SLC5A4: variants seen among roughly 807,000 people sequenced by gnomAD.
SLC5A4 encodes solute carrier family 5 member 4, also known as probable glucose sensor protein SLC5A4.
A neutral mutation model predicts 70.3 loss-of-function variants in SLC5A4; 55 were observed. That is an observed-to-expected ratio of 0.78 (90% confidence interval 0.63 to 0.98). The LOEUF is 0.98. SLC5A4 is among the 50% of genes least tolerant of loss of function. The pLI is 0.00. For missense variants in SLC5A4, 735 were observed against 839.2 expected (o/e 0.88, Z 1.53); for synonymous variants, 268 against 305.7 (o/e 0.88, Z 1.29).
the SLC5A4 span, among the ~76,000 whole-genome samples, chr22:32,320,918 A>T: frequency 1.3e-5 from 2 of 152,212 alleles, no homozygotes; most frequent in African/African-American, 2.4e-5. Context: ...CTTCCCAAAG[A>T]AGCCCGGGAG....
intron 5 of SLC5A4, among the ~76,000 whole-genome samples, chr22:32,240,019 T>G (rs1926420750): frequency 1.5e-5 from 1 of 68,346 alleles, no homozygotes; most frequent in South Asian, 5.1e-4. Flanking sequence ...CGAGACTCCA[T>G]CTCAAAAAAA....
the SLC5A4 span, among the ~76,000 whole-genome samples, chr22:32,350,193 G>A: frequency 1.3e-5 from 2 of 152,168 alleles, no homozygotes; most frequent in Admixed American, 1.3e-4. Context: ...GCCATCAAGA[G>A]TGACAGCAAG....
At chr22:32,332,852 TGA>T in the SLC5A4 span, among the ~76,000 whole-genome samples, 2 of 152,252 alleles carry the variant, frequency 1.3e-5, no homozygotes, top group Non-Finnish European at 2.9e-5. Context: ...CAAAGTGCTC[TGA>T]GATGCTGTCC....
the SLC5A4 span, among the ~76,000 whole-genome samples, chr22:32,338,594 G>A: frequency 6.6e-6 from 1 of 152,228 alleles, no homozygotes; most frequent in African/African-American, 2.4e-5. Flanking sequence ...GAACCTGGGA[G>A]GCAGAGAGAG....
At chr22:32,307,523 G>T in the SLC5A4 span, among the ~76,000 whole-genome samples, 2 of 152,224 alleles carry the variant, frequency 1.3e-5, no homozygotes, top group Non-Finnish European at 2.9e-5. Context: ...CGTTCGGCAA[G>T]TGTCTGTTGA....
At chr22:32,329,271 C>G in the SLC5A4 span, among the ~76,000 whole-genome samples, 1 of 152,176 alleles carries the variant, frequency 6.6e-6, no homozygotes, top group Non-Finnish European at 1.5e-5. Flanking sequence ...AAGTCACCAT[C>G]TCCACCCGCC....
intron 11 of SLC5A4, among the ~76,000 whole-genome samples, chr22:32,228,612 T>C (rs1048374466): frequency 6.6e-6 from 1 of 151,704 alleles, no homozygotes; most frequent in Non-Finnish European, 1.5e-5. Flanking sequence ...GACATTCTGG[T>C]ATCGATTTTT....
chr22:32,235,472 C>T (rs1926005944), intron 7 of SLC5A4, among the ~76,000 whole-genome samples: 1 of 152,180 alleles, frequency 6.6e-6, no homozygotes, highest in African/African-American at 2.4e-5. Context: ...AATTATCCAT[C>T]AGAAAGCCCC....
the SLC5A4 span, among the ~76,000 whole-genome samples, chr22:32,351,682 A>G: frequency 1.7e-5 from 2 of 117,644 alleles, no homozygotes; most frequent in African/African-American, 7.0e-5. Flanking sequence ...CCTGGGCAAC[A>G]GAGCAAGATT....
At chr22:32,262,975 A>T in the SLC5A4 span, among the ~76,000 whole-genome samples, 1 of 151,938 alleles carries the variant, frequency 6.6e-6, no homozygotes, top group Admixed American at 6.6e-5. Context: ...TCACTGTGTT[A>T]GCCAGGATGG....
chr22:32,241,940 C>T (rs1051037899), intron 5 of SLC5A4, among the ~76,000 whole-genome samples: 4 of 151,352 alleles, frequency 2.6e-5, no homozygotes, highest in Non-Finnish European at 5.9e-5. Context: ...GAAGAGGGAA[C>T]ATATAAATAT....
the SLC5A4 span, chr22:32,270,330 G>A: frequency 1.9e-6 from 2 of 1,026,404 alleles, no homozygotes; most frequent in South Asian, 2.5e-5. Flanking sequence ...GCCACAGGAA[G>A]AATGGGGCTC....
At chr22:32,248,257 T>C (rs1926945812) in intron 4 of SLC5A4, among the ~76,000 whole-genome samples, 1 of 152,230 alleles carries the variant, frequency 6.6e-6, no homozygotes, top group African/African-American at 2.4e-5. Flanking sequence ...AGTTGTCCCA[T>C]AGAACTGATG....
chr22:32,284,274 A>G, the SLC5A4 span, among the ~76,000 whole-genome samples: 1 of 152,236 alleles, frequency 6.6e-6, no homozygotes, highest in African/African-American at 2.4e-5. Flanking sequence ...TCATTAAAAT[A>G]GATTTTTAAA....
the SLC5A4 span, among the ~76,000 whole-genome samples, chr22:32,309,270 TCA>T: frequency 5.3e-5 from 8 of 152,304 alleles, no homozygotes; most frequent in South Asian, 6.2e-4. Context: ...TGCTCGTGAA[TCA>T]CACACAGTTC....
At chr22:32,226,344 G>A (rs1248990850) in intron 11 of SLC5A4, among the ~76,000 whole-genome samples, 1 of 152,210 alleles carries the variant, frequency 6.6e-6, no homozygotes, top group African/African-American at 2.4e-5. Context: ...TAAAAAGCGT[G>A]TTAAAGGCTC....
At chr22:32,267,906 C>T in the SLC5A4 span, among the ~76,000 whole-genome samples, 248 of 152,250 alleles carry the variant, frequency 1.6e-3, no homozygotes, top group Non-Finnish European at 2.2e-3. Context: ...AGGAGGATCA[C>T]GAGGTCAGGA....
the SLC5A4 span, among the ~76,000 whole-genome samples, chr22:32,304,748 T>C: frequency 1.8e-4 from 28 of 152,346 alleles, no homozygotes; most frequent in Admixed American, 3.9e-4. Context: ...GTCCAACTTA[T>C]CAATTCTCTC....
At chr22:32,256,317 C>CA (rs945189085), upstream of SLC5A4, among the ~76,000 whole-genome samples, 11 of 151,166 alleles carry the variant, frequency 7.3e-5, no homozygotes, top group East Asian at 1.9e-4. Context: ...CAAAAACAAA[C>CA]AAAAAAAACA....
Sources: allele counts gnomAD v4.1 joint callset (sites outside exome capture counted in the v4.1 genomes callset), GRCh38; gene constraint gnomAD v4.1.1; transcripts MANE v1.5; gene names NCBI Gene and HGNC (gene_info 2026-07-23, HGNC 2026-07-21).